PREX1: variants seen among roughly 807,000 people sequenced by gnomAD.
PREX1 encodes phosphatidylinositol 3,4,5-trisphosphate-dependent Rac exchanger 1 protein.
A neutral mutation model predicts 198.3 loss-of-function variants in PREX1; 41 were observed. The observed-to-expected ratio is 0.21, with a 90% CI of 0.16 to 0.27. PREX1 has a LOEUF of 0.27. Among genes scored for constraint, PREX1 ranks in the 10% least tolerant of loss-of-function variants. The probability of loss-of-function intolerance (pLI) is 1.00; values close to 1 mark genes in which losing one functional copy is unlikely to be tolerated. For synonymous variants in PREX1, 843 were observed against 887.2 expected, an observed-to-expected ratio of 0.95 and a Z score of 0.89; for missense variants, 1,620 against 2,200.7, an observed-to-expected ratio of 0.74 and a Z score of 5.28.
At chr20:48,658,551 C>T (rs1224514526) in intron 16 of PREX1, among the ~76,000 whole-genome samples, 1 of 152,114 alleles carries the variant, frequency 6.6e-6, no homozygotes, top group Non-Finnish European at 1.5e-5. Context: ...TTCCCCAGTG[C>T]GGGGGATACA....
Position 48,655,357 on chromosome 20 carries a change from G to A in PREX1, c.2142C>T (p.Asp714=). The A allele has an allele frequency of 1.3e-6, 2 of 1,589,312 alleles. No homozygotes were observed. Among genetic ancestry groups the A allele is most frequent in the Non-Finnish European group, 1.7e-6 (2 of 1,165,588 alleles). The part of the protein sequence containing the change: ...TKAKEIIKIP[D]QPDTLCFQIR... ...TCTGGAAGCACAGTGTGTCCGGCTG[G>A]TCGGGGATTTTGATGATCCTGCACC... The change falls in exon 19 of 40, where the codon GAC becomes GAT. Residue 714 remains aspartate, a synonymous_variant. Coordinates refer to ENST00000371941, the MANE Select transcript of PREX1 (RefSeq NM_020820.4).
intron 30 of PREX1, among the ~76,000 whole-genome samples, chr20:48,639,036 T>C (rs2089387800): frequency 6.6e-6 from 1 of 152,258 alleles, no homozygotes. Context: ...CCCACTGTCC[T>C]GGTCAAACAT....
Position 48,644,485 on chromosome 20 carries a change from G to T in PREX1, c.3525C>A (p.Ser1175Arg). 6.2e-7 allele frequency: 1 copy of T among 1,613,554 alleles called. No individual in the cohort carries two copies. ...TGTAGGACAGGACCGAGTCTCGATT[G>T]CTGTTACACTCGCTGCAAAGGGGCC... is the stretch of plus-strand genomic sequence containing the variant. ...SYRDSYSECN[S>R]NRDSVLSYTS... Residue 1175 changes from serine (S) to arginine (R), a missense_variant, in exon 27 of 40, where the codon AGC (serine) becomes AGA (arginine). Physicochemically the swap from Ser to Arg is moderately radical, Grantham distance 110. This residue lies in a region of PREX1 where 29 missense variants were observed against 26.1 expected (regional missense o/e 1.11). Coordinates refer to ENST00000371941, the MANE Select transcript of PREX1 (RefSeq NM_020820.4).
intron 9 of PREX1, among the ~76,000 whole-genome samples, chr20:48,690,375 G>A (rs576470115): frequency 1.3e-5 from 2 of 152,232 alleles, no homozygotes; most frequent in African/African-American, 2.4e-5. Flanking sequence ...CTGAGGTCTG[G>A]AAAGCTGGAG....
chr20:48,794,245 T>C (rs1161918250), intron 1 of PREX1, among the ~76,000 whole-genome samples: 2 of 151,986 alleles, frequency 1.3e-5, no homozygotes, highest in Non-Finnish European at 2.9e-5. Context: ...GGGACCAGCC[T>C]GTGAATGAAG....
intron 25 of PREX1, among the ~76,000 whole-genome samples, chr20:48,646,798 T>C (rs954574158): frequency 6.6e-6 from 1 of 152,212 alleles, no homozygotes; most frequent in African/African-American, 2.4e-5. Flanking sequence ...GCACAGGTTT[T>C]GAAGCTAGCT....
chr20:48,814,838 G>C (rs2090452926), intron 1 of PREX1, among the ~76,000 whole-genome samples: 1 of 152,162 alleles, frequency 6.6e-6, no homozygotes, highest in African/African-American at 2.4e-5. Flanking sequence ...AAGCTAAACA[G>C]TCTAATTAAA....
chr20:48,781,604 T>A (rs1359234587), intron 1 of PREX1, among the ~76,000 whole-genome samples: 1 of 151,742 alleles, frequency 6.6e-6, no homozygotes, highest in Non-Finnish European at 1.5e-5. Context: ...ACCCCCTGCC[T>A]CATCCCCCTA....
the PREX1 span, among the ~76,000 whole-genome samples, chr20:48,878,667 C>T: frequency 6.6e-6 from 1 of 152,102 alleles, no homozygotes; most frequent in African/African-American, 2.4e-5. Flanking sequence ...AACTCTCTGG[C>T]ATCTGCCCTA....
the PREX1 span, among the ~76,000 whole-genome samples, chr20:48,858,871 CTTTATTTTATTTTTAT>C: frequency 6.6e-6 from 1 of 152,030 alleles, no homozygotes; most frequent in African/African-American, 2.4e-5. Context: ...GTACTGCGTA[CTTTATTTTATTTTTAT>C]TTTATTTTAT....
rs377230986 is a variant in PREX1, at chr20:48,691,183, AC to A, written c.1037-88del. On this transcript the variant is annotated intron_variant, in intron 8 of 39. Coordinates refer to ENST00000371941, the MANE Select transcript of PREX1 (RefSeq NM_020820.4). This position sits in a 1 kb window ranked among gnomAD's most constrained non-coding sequence, Gnocchi z 5.0. ...CATTGCCAAGCCCTTCCGCCCCAGCACAGGCAGGGCCCTCGCCTGGATCAGG... is the reference window on the plus strand; with the variant it reads ...CATTGCCAAGCCCTTCCGCCCCAGCAAGGCAGGGCCCTCGCCTGGATCAGG... 100 of 1,547,394 alleles carry A rather than the reference AC, an allele frequency of 6.5e-5. No homozygotes were observed. The African/African-American group carries it at 1.3e-3, about 20-fold the overall frequency.
At chr20:48,832,638 A>G (rs2090539635), upstream of PREX1, among the ~76,000 whole-genome samples, 1 of 152,150 alleles carries the variant, frequency 6.6e-6, no homozygotes, top group African/African-American at 2.4e-5. Context: ...GACAACTCAA[A>G]TCAACGCTGG....
At chr20:48,749,068 G>A (rs1025552363) in intron 1 of PREX1, among the ~76,000 whole-genome samples, 3 of 152,130 alleles carry the variant, frequency 2.0e-5, no homozygotes, top group Admixed American at 2.0e-4. Flanking sequence ...GGGGTCACAC[G>A]TATGGGCTGA....
chr20:48,719,311 C>A (rs576118974), intron 5 of PREX1, among the ~76,000 whole-genome samples: 49 of 152,310 alleles, frequency 3.2e-4, no homozygotes, highest in African/African-American at 8.4e-4. Flanking sequence ...GGACCCCCCC[C>A]CCAACTCCCC....
At chr20:48,670,723 C>G (rs966530743) in intron 14 of PREX1, among the ~76,000 whole-genome samples, 19 of 152,346 alleles carry the variant, frequency 1.2e-4, no homozygotes, top group Non-Finnish European at 2.8e-4. Context: ...TCCTAGGCCT[C>G]TGACACCCCT....
intron 1 of PREX1, among the ~76,000 whole-genome samples, chr20:48,751,586 G>C (rs560061913): frequency 6.6e-6 from 1 of 152,186 alleles, no homozygotes; most frequent in Non-Finnish European, 1.5e-5. Flanking sequence ...GCAGCACGGC[G>C]TCCCCTGCAC....
chr20:48,814,239 G>A (rs2090449633), intron 1 of PREX1, among the ~76,000 whole-genome samples: 1 of 152,234 alleles, frequency 6.6e-6, no homozygotes, highest in Non-Finnish European at 1.5e-5. Context: ...TCCCCATTAA[G>A]TGCTAATCAC....
chr20:48,827,990 G>T lies in PREX1; in HGVS notation c.-130C>A, dbSNP rs2090518103. The T allele has an allele frequency of 4.7e-6, 1 of 211,594 alleles. No homozygotes were observed. The highest frequency in any genetic ancestry group is 2.3e-3 in the Middle Eastern group (1 of 436). The allele number at this position is 211,594 out of a possible 1,614,324, so 13.1% of individuals were successfully genotyped here. A position where few individuals can be genotyped will look rare whatever the true frequency, so the allele number is the denominator to read the frequency against. On this transcript the variant is annotated 5_prime_UTR_variant, in exon 1 of 40. Coordinates refer to ENST00000371941, the MANE Select transcript of PREX1 (RefSeq NM_020820.4). The surrounding 1 kb of genome is among the most constrained non-coding windows in gnomAD (Gnocchi z 4.1). ...CGGCGGGCCGGGCTCCCGGCGCGGC[G>T]GGCGGGACTGGGGGCCGGGCGGCTG... is the stretch of plus-strand genomic sequence containing the variant.
intron 39 of PREX1, among the ~76,000 whole-genome samples, chr20:48,626,173 G>A (rs554695728): frequency 2.6e-5 from 4 of 152,334 alleles, no homozygotes; most frequent in South Asian, 2.1e-4. Context: ...ACAGGTGCAC[G>A]TGTGCGTTCA....
Sources: gnomAD v4.1 joint callset for allele counts (sites outside exome capture counted in the v4.1 genomes callset) on GRCh38, gnomAD v4.1.1 for gene constraint, gnomAD v4.1.1 regional missense constraint, Gnocchi (gnomAD v3.1) non-coding constraint, MANE v1.5 for transcripts, NCBI Gene and HGNC (gene_info 2026-07-23, HGNC 2026-07-21) for gene names.